MAP4K4: variants seen among roughly 807,000 people sequenced by gnomAD.
MAP4K4 encodes mitogen-activated protein kinase kinase kinase kinase 4.
In MAP4K4, 38 loss-of-function variants were observed where a neutral mutation model predicts 189.6. That is an observed-to-expected ratio of 0.20 (90% CI 0.15 to 0.26). The LOEUF (loss-of-function observed/expected upper bound fraction) is 0.26. Ranked by LOEUF, MAP4K4 falls within the 10% of genes least tolerant of loss-of-function variation. The probability of loss-of-function intolerance (pLI) is 1.00; values close to 1 mark genes in which losing one functional copy is unlikely to be tolerated. For synonymous variants in MAP4K4, 610 were observed against 624.3 expected, an observed-to-expected ratio of 0.98 and a Z score of 0.34; for missense variants, 1,054 against 1,726.9, an observed-to-expected ratio of 0.61 and a Z score of 6.91.
At chr2:101,750,884 G>T (rs192798582) in intron 2 of MAP4K4, among the ~76,000 whole-genome samples, 46 of 151,884 alleles carry the variant, frequency 3.0e-4, no homozygotes, top group African/African-American at 1.0e-3. Flanking sequence ...TGATCTCACA[G>T]AGGAATGGGG....
intron 12 of MAP4K4, among the ~76,000 whole-genome samples, chr2:101,849,879 T>C (rs1425685158): frequency 6.6e-6 from 1 of 151,962 alleles, no homozygotes; most frequent in Non-Finnish European, 1.5e-5. Flanking sequence ...AATAAAAAAA[T>C]AAAGAGTAAA....
intron 2 of MAP4K4, among the ~76,000 whole-genome samples, chr2:101,736,053 T>C (rs2060156193): frequency 6.6e-6 from 1 of 152,200 alleles, no homozygotes; most frequent in African/African-American, 2.4e-5. Context: ...CAAATTCACA[T>C]CAAATATTTT....
At chr2:101,736,360 T>G (rs1186755454) in intron 2 of MAP4K4, among the ~76,000 whole-genome samples, 1 of 152,218 alleles carries the variant, frequency 6.6e-6, no homozygotes, top group African/African-American at 2.4e-5. Context: ...ATCCCCTGCT[T>G]CTTGCCCATC....
At chr2:101,782,148 T>C (rs1424973290) in intron 2 of MAP4K4, among the ~76,000 whole-genome samples, 3 of 152,230 alleles carry the variant, frequency 2.0e-5, no homozygotes, top group Non-Finnish European at 4.4e-5. Flanking sequence ...TCCATCCAGA[T>C]TGGCTCCTTA....
chr2:101,723,177 C>T (rs1388337343), intron 2 of MAP4K4, among the ~76,000 whole-genome samples: 1 of 152,178 alleles, frequency 6.6e-6, no homozygotes, highest in Non-Finnish European at 1.5e-5. Flanking sequence ...ATTCAGTTAC[C>T]TCTACCTGGT....
At chr2:101,799,554 C>T (rs1213747707) in intron 3 of MAP4K4, among the ~76,000 whole-genome samples, 2 of 151,592 alleles carry the variant, frequency 1.3e-5, no homozygotes, top group East Asian at 3.9e-4. Flanking sequence ...GCCCTGTGAA[C>T]TGTCTTCTTC....
chr2:101,697,997 G>T (rs1349019113), exon 1 of MAP4K4: 1 of 952,422 alleles, frequency 1.0e-6, no homozygotes, highest in Non-Finnish European at 1.4e-6. Flanking sequence ...CGAGGAGCGC[G>T]GTCGGCGGCC....
intron 31 of MAP4K4, among the ~76,000 whole-genome samples, chr2:101,888,482 C>T (rs955567217): frequency 3.3e-5 from 5 of 152,040 alleles, no homozygotes; most frequent in South Asian, 4.2e-4. Context: ...TCTTCCCTGC[C>T]GTCTCTCATG....
Position 101,699,186 on chromosome 2 carries a change from A to G in MAP4K4, c.123+648A>G, listed in dbSNP as rs1353071420. 3.9e-5 allele frequency among the ~76,000 whole-genome samples: 6 copies of G among 152,326 alleles called. No homozygotes were observed. In the East Asian group the frequency reaches 1.2e-3, roughly 29 times the overall value. On this transcript the variant is annotated intron_variant, in intron 2 of 32. Coordinates refer to ENST00000324219, the Ensembl canonical transcript of MAP4K4. ...TGACAGCTGTGTAATTGAAACAGAA[A>G]TGACAGAGAGCGAAGAGAATATAGA...
intron 28 of MAP4K4, 147 bp from the exon 29 acceptor site, chr2:101,885,038 ATC>A (rs936368416): frequency 1.5e-5 from 7 of 481,690 alleles, no homozygotes; most frequent in Admixed American, 3.6e-5. Context: ...GTGAGGTGTG[ATC>A]TCTCTCTCTG....
chr2:101,760,322 C>G (rs1007695718), intron 2 of MAP4K4, among the ~76,000 whole-genome samples: 3 of 151,714 alleles, frequency 2.0e-5, no homozygotes, highest in Non-Finnish European at 4.4e-5. Context: ...AACCCTGTCT[C>G]TACTAAAAAT....
chr2:101,891,340 G>A (rs928075295), exon 33 of MAP4K4: 3 of 1,099,894 alleles, frequency 2.7e-6, no homozygotes, highest in Non-Finnish European at 2.8e-6. Context: ...GAGCTGCACC[G>A]AGGGCAACCA....
At chr2:101,809,943 T>G (rs1264696559) in intron 3 of MAP4K4, among the ~76,000 whole-genome samples, 2 of 152,256 alleles carry the variant, frequency 1.3e-5, no homozygotes, top group African/African-American at 4.8e-5. Context: ...ATATACTTAC[T>G]TGACATGAAC....
In MAP4K4 at chr2:101,859,978, T is replaced by C. The variant is rs768579128; in HGVS notation, c.1704+114T>C. 6.5e-5 allele frequency: 68 copies of C among 1,053,428 alleles called. No individual in the cohort carries two copies. In the African/African-American group the frequency reaches 9.9e-4, roughly 15 times the overall value. 65.3% of individuals were successfully genotyped at this position (1,053,428 alleles called of 1,614,324 possible). A position where few individuals can be genotyped will look rare whatever the true frequency, so the allele number is the denominator to read the frequency against. ...CCATAGAGTTTAGCTAATTATCTGGTTTCTTCATTTTCTAACTAGGAAATT... is the reference window on the plus strand; with the variant it reads ...CCATAGAGTTTAGCTAATTATCTGGCTTCTTCATTTTCTAACTAGGAAATT... On this transcript the variant is annotated intron_variant, in intron 15 of 32. Transcript: ENST00000324219.
At chr2:101,793,152 A>G (rs1429576507) in intron 3 of MAP4K4, among the ~76,000 whole-genome samples, 1 of 152,244 alleles carries the variant, frequency 6.6e-6, no homozygotes, top group Non-Finnish European at 1.5e-5. Flanking sequence ...CTTTAAAAGC[A>G]ATTATTGCAA....
At chr2:101,733,344 C>T (rs1015306849) in intron 2 of MAP4K4, among the ~76,000 whole-genome samples, 1 of 152,202 alleles carries the variant, frequency 6.6e-6, no homozygotes, top group African/African-American at 2.4e-5. Flanking sequence ...AAGGCTGTTA[C>T]AGCTGACCTT....
At chr2:101,873,862 C>T (rs2098123390) in intron 25 of MAP4K4, 98 bp downstream of exon 25, 1 of 906,418 alleles carries the variant, frequency 1.1e-6, no homozygotes. Context: ...TTCACAGGCA[C>T]AGACCTCGGG....
At chr2:101,814,928 T>C in intron 3 of MAP4K4, among the ~76,000 whole-genome samples, 1 of 152,212 alleles carries the variant, frequency 6.6e-6, no homozygotes, top group East Asian at 1.9e-4. Context: ...TTGCTTCTAA[T>C]GTCCTCAAGG....
At chr2:101,724,472 C>T (rs925729381) in intron 2 of MAP4K4, among the ~76,000 whole-genome samples, 3 of 152,108 alleles carry the variant, frequency 2.0e-5, no homozygotes, top group African/African-American at 4.8e-5. Flanking sequence ...AAAAGGCAGC[C>T]GTTTCTGAAA....
Sources: allele counts gnomAD v4.1 joint callset (sites outside exome capture counted in the v4.1 genomes callset), GRCh38; gene constraint gnomAD v4.1.1; transcripts MANE v1.5; gene names NCBI Gene and HGNC (gene_info 2026-07-23, HGNC 2026-07-21).